The following NFATC3 variants were observed in gnomAD, a reference collection of about 807,000 sequenced individuals.
The protein encoded by NFATC3 is nuclear factor of activated T cells 3.
A neutral mutation model predicts 98.6 loss-of-function variants in NFATC3; 46 were observed. That is an observed-to-expected ratio of 0.47 (90% CI 0.37 to 0.60). The LOEUF (loss-of-function observed/expected upper bound fraction) is 0.60, where lower values mean the gene tolerates loss of function less well. Ranked by LOEUF, NFATC3 falls within the 20% of genes least tolerant of loss-of-function variation. The probability of loss-of-function intolerance (pLI) is 0.00; values close to 1 mark genes in which losing one functional copy is unlikely to be tolerated. For synonymous variants in NFATC3, 512 were observed against 472.2 expected (o/e 1.08, Z -1.09); for missense variants, 1,256 against 1,295.5 (o/e 0.97, Z 0.47).
intron 9 of NFATC3, chr16:68,221,603 G>A (rs886702077): frequency 1.9e-5 from 20 of 1,068,786 alleles, no homozygotes; most frequent in Non-Finnish European, 2.2e-5. Flanking sequence ...CTGCCCCGTT[G>A]GAACTTAAAT....
intron 4 of NFATC3, among the ~76,000 whole-genome samples, chr16:68,160,833 C>T (rs1487763925): frequency 1.3e-5 from 2 of 152,088 alleles, no homozygotes; most frequent in Admixed American, 1.3e-4. Flanking sequence ...TGCACACGTG[C>T]ACCACCACTC....
intron 3 of NFATC3, among the ~76,000 whole-genome samples, chr16:68,154,554 A>G (rs2038509436): frequency 6.6e-6 from 1 of 152,158 alleles, no homozygotes. Flanking sequence ...TATTCTTAGT[A>G]TAGGATGTAG....
At chr16:68,159,473 G>A (rs934068154) in intron 4 of NFATC3, among the ~76,000 whole-genome samples, 1 of 149,772 alleles carries the variant, frequency 6.7e-6, no homozygotes, top group Non-Finnish European at 1.5e-5. Context: ...GCCCAGGTTG[G>A]AGTGCAGTGG....
At position 68,226,487 on chromosome 16, in the gene NFATC3, C is replaced by T. The variant is rs2042040551; in HGVS notation, c.*16C>T. The stretch of plus-strand genomic sequence containing the variant: ...TGGGCTCTAACAGTGCTTACTGCAG[C>T]CTTGTGTCCACCACCAACTTCTCAG... On this transcript the variant is annotated 3_prime_UTR_variant, in exon 10 of 10. Transcript: ENST00000346183. 4.1e-6 allele frequency: 6 copies of T among 1,477,782 alleles called. No individual in the cohort carries two copies. In the East Asian group the frequency reaches 1.6e-4, roughly 40 times the overall value. The allele number at this position is 1,477,782 out of a possible 1,614,324, so 91.5% of individuals were successfully genotyped here. A position where few individuals can be genotyped will look rare whatever the true frequency, so the allele number is the denominator to read the frequency against.
chr16:68,223,546 G>A (rs2041940236), intron 9 of NFATC3, among the ~76,000 whole-genome samples: 1 of 152,138 alleles, frequency 6.6e-6, no homozygotes, highest in Non-Finnish European at 1.5e-5. Context: ...GTTCAAGTTT[G>A]AACCATGATT....
intron 3 of NFATC3, among the ~76,000 whole-genome samples, chr16:68,131,089 G>A (rs982529324): frequency 6.6e-6 from 1 of 151,944 alleles, no homozygotes; most frequent in Non-Finnish European, 1.5e-5. Flanking sequence ...GTAATGCCTC[G>A]GGTTTTGTTC....
rs770353289 is a variant in NFATC3 at position 68,098,048 on chromosome 16, TA to T, written c.103+12265del. ...AGTGTATCAGTAGGTCATTAATTTT[TA>T]TTGGGGAGTAGTTGCCATTATGTAT... On this transcript the variant is annotated intron_variant, in intron 1 of 9. Transcript: ENST00000346183. Among the ~76,000 whole-genome samples the T allele has an allele frequency of 6.9e-4, 105 of 152,252 alleles. 1 individual carries two copies. The highest frequency in any genetic ancestry group is 1.3e-3 in the Non-Finnish European group (90 of 68,018).
chr16:68,086,835 TAGATGTCTTTTTC>T, intron 1 of NFATC3: 1 of 946,028 alleles, frequency 1.1e-6, no homozygotes, highest in Non-Finnish European at 1.3e-6. Flanking sequence ...CTTCATATGC[TAGATGTCTTTTTC>T]ACTGTAGTAC....
At chr16:68,183,164 A>G in intron 7 of NFATC3, 76 bp from the exon 8 acceptor site, 5 of 1,457,704 alleles carry the variant, frequency 3.4e-6, no homozygotes, top group South Asian at 2.8e-5. Flanking sequence ...GTTAAGACTC[A>G]TGAGTTGTGA....
intron 1 of NFATC3, among the ~76,000 whole-genome samples, chr16:68,107,274 G>T (rs1168506178): frequency 6.6e-6 from 1 of 152,236 alleles, no homozygotes; most frequent in East Asian, 1.9e-4. Context: ...TAATGGGATT[G>T]CTAGGTAAAA....
At chr16:68,133,019 A>C (rs1054048942) in intron 3 of NFATC3, among the ~76,000 whole-genome samples, 1 of 152,214 alleles carries the variant, frequency 6.6e-6, no homozygotes, top group Non-Finnish European at 1.5e-5. Context: ...TAATCCCAGC[A>C]CTTTGGGAGG....
At chr16:68,164,369 A>C in intron 4 of NFATC3, among the ~76,000 whole-genome samples, 1 of 152,114 alleles carries the variant, frequency 6.6e-6, no homozygotes, top group East Asian at 1.9e-4. Flanking sequence ...TCGGTATCAG[A>C]GGGAGACCGT....
chr16:68,102,973 T>G (rs2035452008), intron 1 of NFATC3, among the ~76,000 whole-genome samples: 1 of 152,200 alleles, frequency 6.6e-6, no homozygotes, highest in Non-Finnish European at 1.5e-5. Flanking sequence ...TTGAACATCT[T>G]TTCATGTGCA....
rs1567541728 is a variant in NFATC3 at position 68,190,916 on chromosome 16, C to T, written c.2247C>T (p.Cys749=). 6.2e-7 allele frequency: 1 copy of T among 1,614,220 alleles called. No homozygotes were observed. Among genetic ancestry groups the T allele is most frequent in the Non-Finnish European group, 8.5e-7 (1 of 1,180,050 alleles). Residue 749 remains cysteine, a synonymous_variant, in exon 9 of 10, where the codon TGC becomes TGT. Transcript: ENST00000346183. ...SVLSGQRSLI[C]SIPQTYASMV... ...TGTCAGGACAGAGAAGTTTGATTTG[C>T]TCCATCCCACAAACATATGCATCCA...
intron 1 of NFATC3, among the ~76,000 whole-genome samples, chr16:68,121,242 CTTTTTTTT>C (rs753615194): frequency 2.0e-5 from 2 of 102,360 alleles, no homozygotes; most frequent in Non-Finnish European, 4.0e-5. Flanking sequence ...CTTTTCTTTT[CTTTTTTTT>C]TTTTTTTTTT....
intron 5 of NFATC3, among the ~76,000 whole-genome samples, chr16:68,169,899 C>T (rs1250459414): frequency 2.0e-5 from 3 of 151,862 alleles, no homozygotes; most frequent in Non-Finnish European, 4.4e-5. Context: ...TGAGATCACG[C>T]CATTGCACTC....
intron 9 of NFATC3, among the ~76,000 whole-genome samples, chr16:68,197,493 G>T (rs968748267): frequency 1.3e-5 from 2 of 152,116 alleles, no homozygotes; most frequent in Non-Finnish European, 2.9e-5. Flanking sequence ...GGTGGTGTGT[G>T]CCTGTAATCC....
intron 1 of NFATC3, among the ~76,000 whole-genome samples, chr16:68,095,086 A>G (rs2034938978): frequency 6.6e-6 from 1 of 152,158 alleles, no homozygotes; most frequent in Non-Finnish European, 1.5e-5. Flanking sequence ...GGATAGAAGG[A>G]TAGAAAATCT....
chr16:68,194,429 G>A lies in NFATC3; in HGVS notation c.3106+2654G>A, dbSNP rs1486223072. On this transcript the variant is annotated intron_variant, in intron 9 of 9. Coordinates refer to ENST00000346183, the MANE Select transcript of NFATC3 (RefSeq NM_173165.3). ...ATTTTGCTGCTGTTCTCTGTGCACAGCTGGCATAAGTGTCACTCCCTACTA... is the reference window on the plus strand; with the variant it reads ...ATTTTGCTGCTGTTCTCTGTGCACAACTGGCATAAGTGTCACTCCCTACTA... Among the ~76,000 whole-genome samples, 34 of 152,250 alleles carry A rather than the reference G, an allele frequency of 2.2e-4. 1 individual carries two copies. Among genetic ancestry groups the A allele is most frequent in the Admixed American group, 2.2e-3 (34 of 15,282 alleles).
Sources: allele counts gnomAD v4.1 joint callset (sites outside exome capture counted in the v4.1 genomes callset), GRCh38; gene constraint gnomAD v4.1.1; transcripts MANE v1.5; gene names NCBI Gene and HGNC (gene_info 2026-07-23, HGNC 2026-07-21).